Variants in RAB2A observed in about 807,000 individuals in gnomAD.
RAB2A encodes the protein RAB2A, member RAS oncogene family.
RAB2A carries 7 observed loss-of-function variants against 32.5 expected under a neutral mutation model. The ratio of observed to expected loss-of-function variants is 0.22; its 90% CI spans 0.12 to 0.40. The LOEUF (loss-of-function observed/expected upper bound fraction) is 0.40, where lower values mean the gene tolerates loss of function less well. RAB2A is among the 10% of genes least tolerant of loss of function. The pLI is 1.00. For missense variants in RAB2A, 108 were observed against 260.7 expected, an observed-to-expected ratio of 0.41 and a Z score of 4.03; for synonymous variants, 79 against 85.2, an observed-to-expected ratio of 0.93 and a Z score of 0.40.
At chr8:60,576,233 G>A (rs1420305589) in intron 3 of RAB2A, 11 of 456,120 alleles carry the variant, frequency 2.4e-5, no homozygotes, top group Non-Finnish European at 4.4e-6. Flanking sequence ...TTTTCTGCCA[G>A]GGGAAGTCAA....
intron 6 of RAB2A, among the ~76,000 whole-genome samples, chr8:60,598,937 C>CAAAAAAAAAAAAAAAAAAAAAAAAAAA (rs56406651): frequency 2.5e-5 from 1 of 40,368 alleles, no homozygotes; most frequent in Non-Finnish European, 5.1e-5. Context: ...TGCAGTAAAG[C>CAAAAAAAAAAAAAAAAAAAAAAAAAAA]AAAAAAAAAA....
intron 5 of RAB2A, among the ~76,000 whole-genome samples, chr8:60,585,119 A>C (rs1563478200): frequency 6.6e-6 from 1 of 152,188 alleles, no homozygotes; most frequent in Non-Finnish European, 1.5e-5. Context: ...AGTTGGATTG[A>C]ACATCTTTGT....
At position 60,541,318 on chromosome 8, in the gene RAB2A, T is replaced by A. The variant is rs547031220; in HGVS notation, c.47-17534T>A. 2.6e-5 allele frequency among the ~76,000 whole-genome samples: 4 copies of A among 152,278 alleles called. No homozygotes were observed. In the East Asian group the frequency reaches 7.7e-4, roughly 29 times the overall value. On this transcript the variant is annotated intron_variant, in intron 1 of 7. Coordinates refer to ENST00000262646, the MANE Select transcript of RAB2A (RefSeq NM_002865.3). ...GAAGGCCTGACAATTAAATGTAATA[T>A]GGTTTCTTAGATGTGATCCTGAGAC...
chr8:60,598,565 C>T (rs1804070236), intron 6 of RAB2A, among the ~76,000 whole-genome samples: 1 of 147,854 alleles, frequency 6.8e-6, no homozygotes, highest in South Asian at 2.1e-4. Flanking sequence ...AGTATATATA[C>T]ATCATGGCCA....
intron 6 of RAB2A, among the ~76,000 whole-genome samples, chr8:60,612,462 A>G (rs1310913071): frequency 6.6e-6 from 1 of 152,208 alleles, no homozygotes; most frequent in Non-Finnish European, 1.5e-5. Context: ...ATAATCCTAG[A>G]AATCCAATAT....
intron 2 of RAB2A, among the ~76,000 whole-genome samples, chr8:60,566,906 TC>T (rs1808123238): frequency 6.6e-6 from 1 of 152,182 alleles, no homozygotes; most frequent in African/African-American, 2.4e-5. Context: ...GGCCTTCAGC[TC>T]CATCCCTGCT....
intron 6 of RAB2A, among the ~76,000 whole-genome samples, chr8:60,600,018 G>A (rs56854743): frequency 0.011 from 1,715 of 150,824 alleles, 38 homozygotes; most frequent in African/African-American, 0.039. Context: ...AAAGACTAGT[G>A]GCTAGAAATA....
At chr8:60,598,723 A>G (rs1294682108) in intron 6 of RAB2A, among the ~76,000 whole-genome samples, 1 of 151,958 alleles carries the variant, frequency 6.6e-6, no homozygotes, top group African/African-American at 2.4e-5. Context: ...ACACCCATAC[A>G]TATTTAAAAA....
At chr8:60,571,501 G>C (rs1301918631) in intron 2 of RAB2A, among the ~76,000 whole-genome samples, 1 of 152,158 alleles carries the variant, frequency 6.6e-6, no homozygotes, top group African/African-American at 2.4e-5. Context: ...GTTCCCATTT[G>C]TGCAGGATTG....
intron 2 of RAB2A, among the ~76,000 whole-genome samples, chr8:60,560,006 A>G (rs993849541): frequency 7.2e-5 from 11 of 152,298 alleles, no homozygotes; most frequent in African/African-American, 2.6e-4. Context: ...TCCGTATTCT[A>G]TTTTACTTTT....
chr8:60,579,440 G>A (rs1321854307), intron 3 of RAB2A, among the ~76,000 whole-genome samples: 1 of 152,190 alleles, frequency 6.6e-6, no homozygotes, highest in Non-Finnish European at 1.5e-5. Context: ...GTTTTGTGGT[G>A]CTGTTCACTT....
At chr8:60,560,963 T>G (rs1808014048) in intron 2 of RAB2A, among the ~76,000 whole-genome samples, 1 of 152,218 alleles carries the variant, frequency 6.6e-6, no homozygotes, top group East Asian at 1.9e-4. Context: ...TGTTTGCTAA[T>G]GGCAGGCACT....
chr8:60,518,581 G>A (rs1304091512), intron 1 of RAB2A, among the ~76,000 whole-genome samples: 5 of 121,764 alleles, frequency 4.1e-5, no homozygotes, highest in Admixed American at 2.7e-4. Flanking sequence ...ACTTGAGCCC[G>A]GAAGGTGGAG....
At chr8:60,582,303 T>C (rs1803773120) in intron 3 of RAB2A, among the ~76,000 whole-genome samples, 1 of 152,206 alleles carries the variant, frequency 6.6e-6, no homozygotes, top group African/African-American at 2.4e-5. Flanking sequence ...GTGTGATGGC[T>C]TTCTCACTGT....
chr8:60,587,500 A>T (rs1803870415), intron 5 of RAB2A, among the ~76,000 whole-genome samples: 1 of 152,210 alleles, frequency 6.6e-6, no homozygotes, highest in Admixed American at 6.5e-5. Flanking sequence ...TCAGAAAAAA[A>T]ATCAATAAAT....
intron 5 of RAB2A, 40 bp downstream of exon 5, chr8:60,584,855 G>T (rs371624885): frequency 1.5e-5 from 21 of 1,417,268 alleles, no homozygotes; most frequent in Non-Finnish European, 2.0e-5. Flanking sequence ...CATTAGTGAT[G>T]AAGACTGTAC....
At chr8:60,525,348 C>G (rs932742946) in intron 1 of RAB2A, among the ~76,000 whole-genome samples, 19 of 152,192 alleles carry the variant, frequency 1.2e-4, no homozygotes, top group African/African-American at 4.3e-4. Flanking sequence ...CCTGCTTCCC[C>G]TTCTGCCATG....
At chr8:60,596,785 G>C (rs1422445617) in intron 6 of RAB2A, among the ~76,000 whole-genome samples, 1 of 152,266 alleles carries the variant, frequency 6.6e-6, no homozygotes, top group East Asian at 1.9e-4. Context: ...GCCAGGCGTG[G>C]TGGCAGGCGC....
In RAB2A at chr8:60,620,809, A is replaced by G. The variant is rs1327165602; in HGVS notation, c.*40A>G. ...TCTAGCTGCCCAACGGGGCCTACTC[A>G]CTTATTCTTTCACCCCCTCTCCTCC... On this transcript the variant is annotated 3_prime_UTR_variant, in exon 8 of 8. Coordinates refer to ENST00000262646, the MANE Select transcript of RAB2A (RefSeq NM_002865.3). 1 of 1,545,784 alleles carries G rather than the reference A, an allele frequency of 6.5e-7. No homozygotes were observed. The highest frequency in any genetic ancestry group is 1.4e-5 in the African/African-American group (1 of 72,246).
Sources: allele counts gnomAD v4.1 joint callset (sites outside exome capture counted in the v4.1 genomes callset), GRCh38; gene constraint gnomAD v4.1.1; transcripts MANE v1.5; gene names NCBI Gene and HGNC (gene_info 2026-07-23, HGNC 2026-07-21).